The following INPP5F variants were observed in gnomAD, a reference collection of about 807,000 sequenced individuals.
INPP5F encodes the protein inositol polyphosphate-5-phosphatase F.
A neutral mutation model predicts 137.2 loss-of-function variants in INPP5F; 97 were observed. That is an observed-to-expected ratio of 0.71 (90% CI 0.60 to 0.84). INPP5F has a LOEUF of 0.84. Ranked by LOEUF, INPP5F falls within the 40% of genes least tolerant of loss-of-function variation. INPP5F has a pLI of 0.00. For missense variants in INPP5F, 1,271 were observed against 1,371.9 expected (o/e 0.93, Z 1.16); for synonymous variants, 504 against 476.9 (o/e 1.06, Z -0.74).
intron 2 of INPP5F, among the ~76,000 whole-genome samples, chr10:119,765,507 G>T (rs1252579395): frequency 6.6e-6 from 1 of 151,606 alleles, no homozygotes; most frequent in East Asian, 1.9e-4. Flanking sequence ...GAGTAGCTGG[G>T]ACTACAGGTG....
chr10:119,811,778 T>C lies in INPP5F; in HGVS notation c.1709T>C (p.Val570Ala), dbSNP rs558906237. The C allele has an allele frequency of 6.2e-7, 1 of 1,613,926 alleles. No individual in the cohort carries two copies. The highest frequency in any genetic ancestry group is 1.3e-5 in the African/African-American group (1 of 75,032). The change falls in exon 15 of 20, where the codon GTG becomes GCG. Residue 570 changes from valine (V) to alanine (A), a missense_variant. Coordinates refer to ENST00000650623, the MANE Select transcript of INPP5F (RefSeq NM_014937.4). Reference sequence around the variant, plus strand: ...CTAGATTTGATGCAAGGCATTCCAGTGACAGAAGATCTTTATTCCATATTT... The same window carrying C: ...CTAGATTTGATGCAAGGCATTCCAGCGACAGAAGATCTTTATTCCATATTT... ...AVIDLMQGIP[V>A]TEDLYSIFTK...
rs1000970862 is a variant in INPP5F at position 119,726,126 on chromosome 10, C to T, written c.-137C>T. On this transcript the variant is annotated 5_prime_UTR_variant, in exon 1 of 20. Coordinates refer to ENST00000650623, the MANE Select transcript of INPP5F (RefSeq NM_014937.4). ...CTCCTACCGGTCGGGTGCCCCGGGG[C>T]GTTCCCTCTGCCGCTGCTTCTCGGC... The T allele has an allele frequency of 1.6e-5, 7 of 436,722 alleles. No homozygotes were observed. Among genetic ancestry groups the T allele is most frequent in the African/African-American group, 8.4e-5 (4 of 47,650 alleles). 27.1% of individuals were successfully genotyped at this position (436,722 alleles called of 1,614,324 possible).
chr10:119,763,036 G>A (rs1383139764), intron 2 of INPP5F, among the ~76,000 whole-genome samples: 1 of 152,168 alleles, frequency 6.6e-6, no homozygotes, highest in Non-Finnish European at 1.5e-5. Flanking sequence ...GCAAACCTGT[G>A]AAACCATACA....
At chr10:119,728,017 G>C (rs1474173425) in intron 1 of INPP5F, among the ~76,000 whole-genome samples, 1 of 152,170 alleles carries the variant, frequency 6.6e-6, no homozygotes, top group African/African-American at 2.4e-5. Flanking sequence ...CTACACCCCA[G>C]TTTCTTGAAC....
chr10:119,766,932 C>T lies in INPP5F; in HGVS notation c.179-14703C>T, dbSNP rs530540052. 1.2e-3 allele frequency among the ~76,000 whole-genome samples: 177 copies of T among 151,910 alleles called. 1 individual carries two copies. The highest frequency in any genetic ancestry group is 4.1e-3 in the African/African-American group (169 of 41,446). On this transcript the variant is annotated intron_variant, in intron 2 of 19. Coordinates refer to ENST00000650623, the MANE Select transcript of INPP5F (RefSeq NM_014937.4). The stretch of plus-strand genomic sequence containing the variant: ...TAGCCTGGTCCAACATGGTAAAACA[C>T]TGTCTCTACTAAAAATATGAAAATT...
intron 1 of INPP5F, among the ~76,000 whole-genome samples, chr10:119,732,494 T>TTTTCTC (rs1848104971): frequency 2.4e-5 from 3 of 126,002 alleles, no homozygotes; most frequent in Admixed American, 8.2e-5. Context: ...TTCTTTTTTC[T>TTTTCTC]TTTTTCTTTT....
chr10:119,784,863 A>G (rs1014181482), intron 3 of INPP5F, among the ~76,000 whole-genome samples: 24 of 152,248 alleles, frequency 1.6e-4, no homozygotes, highest in African/African-American at 5.5e-4. Flanking sequence ...ACTTCCTCCC[A>G]AACTCCAGCT....
In INPP5F at chr10:119,773,551, T is replaced by C. The variant is rs577080314; in HGVS notation, c.179-8084T>C. Reference sequence around the variant, plus strand: ...ATCTCCAGTGTTTATTGTTTCCATTTATTGAGACACCATTCTTTTCCCTTC... The same window carrying C: ...ATCTCCAGTGTTTATTGTTTCCATTCATTGAGACACCATTCTTTTCCCTTC... On this transcript the variant is annotated intron_variant, in intron 2 of 19. Coordinates refer to ENST00000650623, the MANE Select transcript of INPP5F (RefSeq NM_014937.4). Among the ~76,000 whole-genome samples, 4 of 152,348 alleles carry C rather than the reference T, an allele frequency of 2.6e-5. No homozygotes were observed. In the South Asian group the frequency reaches 8.3e-4, roughly 32 times the overall value.
chr10:119,760,616 A>G (rs929975759), intron 2 of INPP5F, among the ~76,000 whole-genome samples: 6 of 152,172 alleles, frequency 3.9e-5, no homozygotes, highest in Non-Finnish European at 7.3e-5. Flanking sequence ...GTCAAAGCTA[A>G]TTGTGTTTAA....
At chr10:119,792,258 CTGTT>C (rs971316015) in intron 6 of INPP5F, 45 bp downstream of exon 6, 11 of 1,354,718 alleles carry the variant, frequency 8.1e-6, no homozygotes, top group African/African-American at 1.4e-5. Context: ...TGAAATTGGT[CTGTT>C]TGTTTCTAAA....
intron 1 of INPP5F, among the ~76,000 whole-genome samples, chr10:119,749,384 T>A (rs931172720): frequency 4.6e-5 from 7 of 152,242 alleles, no homozygotes; most frequent in African/African-American, 1.2e-4. Flanking sequence ...TCAATAATGC[T>A]TATTTATTAG....
chr10:119,740,041 T>C (rs201151741), intron 1 of INPP5F, among the ~76,000 whole-genome samples: 7 of 147,278 alleles, frequency 4.8e-5, no homozygotes, highest in Non-Finnish European at 7.6e-5. Context: ...TTAATTTTTT[T>C]CCCCCTATTT....
intron 2 of INPP5F, among the ~76,000 whole-genome samples, chr10:119,773,377 C>T (rs1033719769): frequency 2.6e-5 from 4 of 152,192 alleles, no homozygotes; most frequent in Admixed American, 6.5e-5. Flanking sequence ...ATTTTAGTTT[C>T]GGGGCGACAT....
intron 1 of INPP5F, among the ~76,000 whole-genome samples, chr10:119,746,364 T>G (rs196189): frequency 6.6e-6 from 1 of 152,128 alleles, no homozygotes; most frequent in Non-Finnish European, 1.5e-5. Flanking sequence ...TACCCAAGGG[T>G]TAGAGTCCTA....
At chr10:119,792,445 A>G (rs1176884866) in intron 6 of INPP5F, among the ~76,000 whole-genome samples, 1 of 152,124 alleles carries the variant, frequency 6.6e-6, no homozygotes, top group Non-Finnish European at 1.5e-5. Flanking sequence ...TTTTTAGCAC[A>G]TTCCCATAGG....
chr10:119,794,629 G>A (rs1423532380), intron 6 of INPP5F, among the ~76,000 whole-genome samples: 1 of 150,782 alleles, frequency 6.6e-6, no homozygotes, highest in South Asian at 2.1e-4. Context: ...CCCGTACGGG[G>A]CGGCTGGCCA....
chr10:119,827,550 CCTT>C lies in INPP5F; in HGVS notation c.3172_3174del (p.Ser1058del), dbSNP rs201053908. 6.9e-3 allele frequency: 11,187 copies of C among 1,614,192 alleles called. 47 individuals carry two copies. The highest frequency in any genetic ancestry group is 7.9e-3 in the Non-Finnish European group (9,358 of 1,180,020). On this transcript the variant is annotated inframe_deletion, in exon 20 of 20. Coordinates refer to ENST00000650623, the MANE Select transcript of INPP5F (RefSeq NM_014937.4). ...ACTTGAGACAGGGCTTCATGTAACT[CCTT>C]CTCCTTCAGAGAGCAGTAGCAGCAG...
chr10:119,774,218 C>T (rs1340843371), intron 2 of INPP5F, among the ~76,000 whole-genome samples: 1 of 146,076 alleles, frequency 6.8e-6, no homozygotes, highest in Non-Finnish European at 1.5e-5. Flanking sequence ...GCTGAGATCA[C>T]GCCACTGTAC....
intron 2 of INPP5F, among the ~76,000 whole-genome samples, chr10:119,753,618 G>A (rs1051341301): frequency 1.3e-5 from 2 of 152,080 alleles, no homozygotes; most frequent in Non-Finnish European, 2.9e-5. Context: ...TAACCTGGAC[G>A]TCCTTTCAGG....
Sources: gnomAD v4.1 joint callset for allele counts (sites outside exome capture counted in the v4.1 genomes callset) on GRCh38, gnomAD v4.1.1 for gene constraint, MANE v1.5 for transcripts, NCBI Gene and HGNC (gene_info 2026-07-23, HGNC 2026-07-21) for gene names.